SMIM7: variants seen among roughly 807,000 people sequenced by gnomAD.
SMIM7 encodes the protein UPF0608 protein C19orf42.
Under a neutral mutation model 13.3 loss-of-function variants are expected in SMIM7, and 12 were observed. The observed-to-expected ratio is 0.90, with a 90% CI of 0.58 to 1.46. SMIM7 has a LOEUF of 1.46. Among genes scored for constraint, SMIM7 ranks in the 40% most tolerant of loss-of-function variants. SMIM7 has a pLI of 0.00. For missense variants in SMIM7, 114 were observed against 94.8 expected, an observed-to-expected ratio of 1.20 and a Z score of -0.84; for synonymous variants, 36 against 35.8, an observed-to-expected ratio of 1.01 and a Z score of -0.02.
intron 4 of SMIM7, among the ~76,000 whole-genome samples, chr19:16,635,899 A>AAAAATATAT (rs1200181092): frequency 1.9e-4 from 21 of 109,578 alleles, no homozygotes; most frequent in African/African-American, 8.2e-4. Flanking sequence ...AAAAAAAAAA[A>AAAAATATAT]ATATATATAT....
chr19:16,646,068 T>C (rs908452679), downstream of SMIM7: 1 of 151,906 alleles, frequency 6.6e-6, no homozygotes, highest in Non-Finnish European at 1.5e-5. Flanking sequence ...CCTAGGTTTT[T>C]CCAGCAGGGT....
chr19:16,642,132 C>T (rs749392943), downstream of SMIM7, among the ~76,000 whole-genome samples: 24 of 152,336 alleles, frequency 1.6e-4, no homozygotes, highest in Middle Eastern at 0.01. Flanking sequence ...CTTATCACTT[C>T]GGCAGTGACT....
rs917991305 is a variant in SMIM7 at position 16,647,074 on chromosome 19, G to T, written c.*172C>A. On this transcript the variant is annotated 3_prime_UTR_variant, in exon 5 of 5. Coordinates refer to ENST00000487416, the MANE Select transcript of SMIM7 (RefSeq NM_024104.4). ...TGAAACTATCTTTGAAAACAGGGAC[G>T]TGGCTGGGAAACCATGCACACCTCG... 6 of 742,998 alleles carry T rather than the reference G, an allele frequency of 8.1e-6. No individual in the cohort carries two copies. The South Asian group carries it at 8.7e-5, about 11-fold the overall frequency. 46.0% of individuals were successfully genotyped at this position (742,998 alleles called of 1,614,324 possible). A position where few individuals can be genotyped will look rare whatever the true frequency, so the allele number is the denominator to read the frequency against.
intron 4 of SMIM7, among the ~76,000 whole-genome samples, 200 bp from the exon 5 acceptor site, chr19:16,647,461 CTT>C (rs879901540): frequency 4.2e-5 from 6 of 142,444 alleles, no homozygotes; most frequent in Admixed American, 7.1e-5. Context: ...AGAATATACT[CTT>C]TTTTTTTTTT....
In SMIM7 at chr19:16,647,844, ACAAAT is replaced by A. The variant is rs572630159; in HGVS notation, c.213-588_213-584del. On this transcript the variant is annotated intron_variant, in intron 4 of 4. Coordinates refer to ENST00000487416, the MANE Select transcript of SMIM7 (RefSeq NM_024104.4). ...TCGGTATTATCTTTGCAACATTTCC[ACAAAT>A]CTAAACTCATTCCAAAATAAAAAGG... 3.1e-3 allele frequency among the ~76,000 whole-genome samples: 478 copies of A among 152,342 alleles called. 6 individuals carry two copies. Among genetic ancestry groups the A allele is most frequent in the African/African-American group, 0.011 (457 of 41,588 alleles).
intron 4 of SMIM7, among the ~76,000 whole-genome samples, chr19:16,637,408 G>C (rs1485946932): frequency 6.6e-6 from 1 of 152,222 alleles, no homozygotes; most frequent in Admixed American, 6.5e-5. Flanking sequence ...AGGAGGCTGA[G>C]GTGGGAGGAT....
At chr19:16,642,576 C>T (rs1432697637), downstream of SMIM7, among the ~76,000 whole-genome samples, 1 of 151,968 alleles carries the variant, frequency 6.6e-6, no homozygotes, top group African/African-American at 2.4e-5. Context: ...TATTGTGGTT[C>T]ATGCCTGTAA....
At chr19:16,639,193 C>T (rs906541913) in intron 4 of SMIM7, among the ~76,000 whole-genome samples, 2 of 148,472 alleles carry the variant, frequency 1.3e-5, no homozygotes, top group African/African-American at 5.0e-5. Context: ...GTGATCTCGG[C>T]TCACTGCAAG....
intron 3 of SMIM7, among the ~76,000 whole-genome samples, chr19:16,654,469 C>T (rs535730536): frequency 6.6e-6 from 1 of 152,280 alleles, no homozygotes; most frequent in South Asian, 2.1e-4. Context: ...GATGTAAGCT[C>T]AGTAAGCTCA....
At chr19:16,633,513 G>A (rs1409494635) in intron 4 of SMIM7, among the ~76,000 whole-genome samples, 1 of 150,042 alleles carries the variant, frequency 6.7e-6, no homozygotes, top group Non-Finnish European at 1.5e-5. Context: ...GTACACTGCT[G>A]TAAATTAAAC....
At chr19:16,637,547 T>C (rs2122492765) in intron 4 of SMIM7, among the ~76,000 whole-genome samples, 1 of 152,314 alleles carries the variant, frequency 6.6e-6, no homozygotes, top group South Asian at 2.1e-4. Context: ...CTCCCCAGCC[T>C]GTTAGGCAGA....
At chr19:16,637,929 A>C (rs530441933) in intron 4 of SMIM7, among the ~76,000 whole-genome samples, 1 of 152,116 alleles carries the variant, frequency 6.6e-6, no homozygotes, top group African/African-American at 2.4e-5. Context: ...GAGGTAATTA[A>C]GGTTAAATAA....
chr19:16,648,209 C>T (rs568185475), intron 4 of SMIM7, among the ~76,000 whole-genome samples: 3 of 152,222 alleles, frequency 2.0e-5, no homozygotes, highest in African/African-American at 7.2e-5. Flanking sequence ...GGGGCGATCT[C>T]GGCTCACTAC....
downstream of SMIM7, chr19:16,645,167 A>G (rs2086437067): frequency 6.6e-6 from 1 of 152,224 alleles, no homozygotes; most frequent in Non-Finnish European, 1.5e-5. Context: ...GCAGCCACCA[A>G]CCAGCATCTG....
In SMIM7 at chr19:16,659,457, G is replaced by A; in HGVS notation, c.69-10C>T. The A allele has an allele frequency of 6.2e-7, 1 of 1,611,978 alleles. No homozygotes were observed. Among genetic ancestry groups the A allele is most frequent in the Non-Finnish European group, 8.5e-7 (1 of 1,179,306 alleles). ...CGTGTCCTTCTTTTTCCTACAAAGA[G>A]GAGCAGACAGTGTCCACTTTCAATG... is the stretch of plus-strand genomic sequence containing the variant. On this transcript the variant is annotated splice_polypyrimidine_tract_variant and intron_variant, in intron 2 of 4. Coordinates refer to ENST00000487416, the MANE Select transcript of SMIM7 (RefSeq NM_024104.4).
Position 16,657,486 on chromosome 19 carries a change from G to A in SMIM7, c.121+1909C>T, listed in dbSNP as rs180830769. Among the ~76,000 whole-genome samples, 150 of 152,338 alleles carry A rather than the reference G, an allele frequency of 9.8e-4. 1 individual carries two copies. Among genetic ancestry groups the A allele is most frequent in the Non-Finnish European group, 1.9e-3 (128 of 68,024 alleles). On this transcript the variant is annotated intron_variant, in intron 3 of 4. Transcript: ENST00000487416. ...GGATCAATGGATAGACGGACAGATG[G>A]TCTAGTGATTGAGTGCACAACCGCT... is the stretch of plus-strand genomic sequence containing the variant.
intron 4 of SMIM7, 61 bp downstream of exon 4, chr19:16,653,974 G>T: frequency 7.6e-7 from 1 of 1,309,964 alleles, no homozygotes; most frequent in Non-Finnish European, 1.1e-6. Flanking sequence ...CCATCAGGTG[G>T]GTCACCCTGG....
intron 3 of SMIM7, among the ~76,000 whole-genome samples, chr19:16,658,526 C>T (rs187942051): frequency 6.6e-6 from 1 of 152,326 alleles, no homozygotes; most frequent in Admixed American, 6.5e-5. Flanking sequence ...GGCCCCACCT[C>T]CTCAGAGTCC....
At chr19:16,651,141 G>A (rs1402718497) in intron 4 of SMIM7, among the ~76,000 whole-genome samples, 1 of 152,166 alleles carries the variant, frequency 6.6e-6, no homozygotes, top group Non-Finnish European at 1.5e-5. Context: ...ACCTCCCTGA[G>A]AGGGCCCTTT....
Sources: gnomAD v4.1 joint callset for allele counts (sites outside exome capture counted in the v4.1 genomes callset) on GRCh38, gnomAD v4.1.1 for gene constraint, MANE v1.5 for transcripts, NCBI Gene and HGNC (gene_info 2026-07-23, HGNC 2026-07-21) for gene names.